VGLL4: variants seen among roughly 807,000 people sequenced by gnomAD.
VGLL4 encodes the protein transcription cofactor vestigial-like protein 4.
In VGLL4, 7 loss-of-function variants were observed where a neutral mutation model predicts 21.0. The observed-to-expected ratio is 0.33, with a 90% CI of 0.19 to 0.63. The LOEUF is 0.63. VGLL4 is among the 20% of genes least tolerant of loss of function. The pLI, the probability that VGLL4 is intolerant of heterozygous loss-of-function variation, is 0.78. For missense variants in VGLL4, 394 were observed against 425.7 expected (o/e 0.93, Z 0.66); for synonymous variants, 222 against 173.2 (o/e 1.28, Z -2.21).
intron 1 of VGLL4, among the ~76,000 whole-genome samples, chr3:11,631,337 A>G (rs988877919): frequency 6.6e-6 from 1 of 152,230 alleles, no homozygotes; most frequent in Non-Finnish European, 1.5e-5. Context: ...GCCAAAGTTT[A>G]GACAGCCCAA....
At position 11,719,152 on chromosome 3, in the gene VGLL4, C is replaced by T. The variant is rs766650926; in HGVS notation, c.-14+1242G>A. Among the ~76,000 whole-genome samples the T allele has an allele frequency of 8.5e-5, 13 of 152,202 alleles. No individual in the cohort carries two copies. The highest frequency in any genetic ancestry group is 1.6e-4 in the Non-Finnish European group (11 of 68,026). Reference sequence around the variant, plus strand: ...CCCCTTCCCGCAGTCCACATCACAGCCCTCCCTGAGGCCGGCGGGGACCGC... The same window carrying T: ...CCCCTTCCCGCAGTCCACATCACAGTCCTCCCTGAGGCCGGCGGGGACCGC... On this transcript the variant is annotated intron_variant, in intron 1 of 5. Coordinates refer to the VGLL4 transcript ENST00000273038. This position sits in a 1 kb window ranked among gnomAD's most constrained non-coding sequence, Gnocchi z 4.0.
upstream of VGLL4, among the ~76,000 whole-genome samples, chr3:11,645,452 C>A (rs898973859): frequency 7.0e-6 from 1 of 141,866 alleles, no homozygotes; most frequent in Non-Finnish European, 1.5e-5. Context: ...TAGCCGGGCG[C>A]GGTGGCGGGC....
chr3:11,648,309 C>T (rs1046703767), upstream of VGLL4, among the ~76,000 whole-genome samples: 1 of 152,102 alleles, frequency 6.6e-6, no homozygotes, highest in South Asian at 2.1e-4. Flanking sequence ...GATTACAAAA[C>T]AAACATTACT....
At chr3:11,655,480 C>T (rs934204124) in intron 2 of VGLL4, among the ~76,000 whole-genome samples, 4 of 152,204 alleles carry the variant, frequency 2.6e-5, no homozygotes, top group African/African-American at 7.2e-5. Flanking sequence ...CAATTCCCAT[C>T]TGCTTTACAC....
Position 11,604,449 on chromosome 3 carries a change from A to G in VGLL4, c.83-2427T>C. 6 of 957,572 alleles carry G rather than the reference A, an allele frequency of 6.3e-6. 1 individual carries two copies. Among genetic ancestry groups the G allele is most frequent in the Non-Finnish European group, 7.4e-6 (6 of 810,558 alleles). The allele number at this position is 957,572 out of a possible 1,614,324, so 59.3% of individuals were successfully genotyped here. A position where few individuals can be genotyped will look rare whatever the true frequency, so the allele number is the denominator to read the frequency against. Reference sequence around the variant, plus strand: ...TACAGCAAAGGAAAAGAATCCGCACATAAGGTCAGGGACAGGTCCGTTCAG... The same window carrying G: ...TACAGCAAAGGAAAAGAATCCGCACGTAAGGTCAGGGACAGGTCCGTTCAG... On this transcript the variant is annotated intron_variant, in intron 1 of 4. Transcript: ENST00000430365.
intron 2 of VGLL4, among the ~76,000 whole-genome samples, chr3:11,691,567 C>A (rs542290942): frequency 5.3e-4 from 80 of 152,288 alleles, no homozygotes; most frequent in Admixed American, 3.3e-4. Context: ...AGCTCATGGA[C>A]AACAGTGGCC....
In VGLL4 at chr3:11,701,822, T is replaced by C. The variant is rs144535126; in HGVS notation, c.64+1149A>G. On this transcript the variant is annotated intron_variant, in intron 2 of 5. Coordinates refer to the VGLL4 transcript ENST00000273038. Reference sequence around the variant, plus strand: ...AACGTCAACCTAAATTTTTTTGTTGTTATTAATATTTTAGTGCTTAGAAAA... The same window carrying C: ...AACGTCAACCTAAATTTTTTTGTTGCTATTAATATTTTAGTGCTTAGAAAA... Among the ~76,000 whole-genome samples the C allele has an allele frequency of 1.1e-3, 162 of 152,334 alleles. 2 individuals carry two copies. The highest frequency in any genetic ancestry group is 2.9e-3 in the African/African-American group (122 of 41,572).
In VGLL4 at chr3:11,664,638, G is replaced by C. The variant is rs1335158045; in HGVS notation, c.64+38333C>G. Among the ~76,000 whole-genome samples, 4 of 152,132 alleles carry C rather than the reference G, an allele frequency of 2.6e-5. 1 individual carries two copies. Among genetic ancestry groups the C allele is most frequent in the Non-Finnish European group, 5.9e-5 (4 of 68,020 alleles). On this transcript the variant is annotated intron_variant, in intron 2 of 5. Coordinates refer to the VGLL4 transcript ENST00000273038. ...GAATAACGTGGGACTGTGCAGTAAG[G>C]GGTCACCCATGAAACCTGGAGTGTG...
At chr3:11,592,379 A>G (rs1170627268) in intron 2 of VGLL4, among the ~76,000 whole-genome samples, 3 of 152,182 alleles carry the variant, frequency 2.0e-5, no homozygotes, top group Non-Finnish European at 4.4e-5. Flanking sequence ...GACTCATTTC[A>G]GGCCTCTTGG....
At chr3:11,631,445 C>T (rs539642981) in intron 1 of VGLL4, among the ~76,000 whole-genome samples, 8 of 152,228 alleles carry the variant, frequency 5.3e-5, no homozygotes, top group African/African-American at 1.4e-4. Context: ...TTGTCCTTAT[C>T]AGCAGATAAG....
At chr3:11,669,586 C>T (rs2076174771) in intron 2 of VGLL4, among the ~76,000 whole-genome samples, 1 of 152,078 alleles carries the variant, frequency 6.6e-6, no homozygotes, top group African/African-American at 2.4e-5. Context: ...TATTTTGGTA[C>T]ATTTTATGAC....
intron 2 of VGLL4, among the ~76,000 whole-genome samples, chr3:11,584,504 T>C (rs566542413): frequency 8.6e-5 from 13 of 151,388 alleles, no homozygotes; most frequent in Non-Finnish European, 1.8e-4. Flanking sequence ...CCATATAGAG[T>C]GAAGCTGGCA....
At chr3:11,623,665 T>C (rs2075304416) in intron 1 of VGLL4, among the ~76,000 whole-genome samples, 1 of 152,174 alleles carries the variant, frequency 6.6e-6, no homozygotes, top group South Asian at 2.1e-4. Flanking sequence ...AAATTAAACC[T>C]GATCGTGATT....
chr3:11,592,113 A>T (rs2345341), intron 2 of VGLL4, among the ~76,000 whole-genome samples: 120,422 of 152,250 alleles, frequency 0.79, 48,212 homozygotes, highest in Non-Finnish European at 0.86. Flanking sequence ...GAAAGAGCAG[A>T]TAGTTTGAAG....
intron 2 of VGLL4, among the ~76,000 whole-genome samples, chr3:11,666,762 C>A (rs1387053979): frequency 6.6e-6 from 1 of 152,208 alleles, no homozygotes; most frequent in Non-Finnish European, 1.5e-5. Context: ...CTCTAAGGAC[C>A]TGAAAACCTA....
chr3:11,601,800 C>T (rs952652087), intron 2 of VGLL4, 33 bp downstream of exon 2: 13 of 1,611,618 alleles, frequency 8.1e-6, no homozygotes, highest in Admixed American at 1.7e-5. Context: ...GCACGGAGCA[C>T]CCTTAAGCCA....
chr3:11,611,766 G>A (rs2075067578), intron 1 of VGLL4: 2 of 152,236 alleles, frequency 1.3e-5, no homozygotes, highest in African/African-American at 2.4e-5. Context: ...CTGGGCAAGT[G>A]GACAGCTGCG....
chr3:11,614,557 G>A (rs2075125409), intron 1 of VGLL4, among the ~76,000 whole-genome samples: 1 of 152,244 alleles, frequency 6.6e-6, no homozygotes, highest in African/African-American at 2.4e-5. Flanking sequence ...GCTGCAGTGG[G>A]CAGGTAGCTG....
At chr3:11,669,525 G>A (rs2125365579) in intron 2 of VGLL4, among the ~76,000 whole-genome samples, 1 of 152,200 alleles carries the variant, frequency 6.6e-6, no homozygotes, top group South Asian at 2.1e-4. Context: ...GATGAAGATG[G>A]GCAATGCAAC....
Sources: gnomAD v4.1 joint callset for allele counts (sites outside exome capture counted in the v4.1 genomes callset) on GRCh38, gnomAD v4.1.1 for gene constraint, Gnocchi (gnomAD v3.1) non-coding constraint, MANE v1.5 for transcripts, NCBI Gene and HGNC (gene_info 2026-07-23, HGNC 2026-07-21) for gene names.